The following CDH18 variants were observed in gnomAD, a reference collection of about 807,000 sequenced individuals.
The protein encoded by CDH18 is cadherin 18, also known as cadherin-18.
A neutral mutation model predicts 67.9 loss-of-function variants in CDH18; 31 were observed. The ratio of observed to expected loss-of-function variants is 0.46; its 90% CI spans 0.34 to 0.62. The LOEUF is 0.62. CDH18 is among the 20% of genes least tolerant of loss of function. The pLI, the probability that CDH18 is intolerant of heterozygous loss-of-function variation, is 0.01. For synonymous variants in CDH18, 362 were observed against 347.2 expected (o/e 1.04, Z -0.48); for missense variants, 890 against 975.5 (o/e 0.91, Z 1.17).
intron 2 of CDH18, among the ~76,000 whole-genome samples, chr5:20,057,537 G>A (rs1198977785): frequency 6.6e-6 from 1 of 152,038 alleles, no homozygotes; most frequent in Admixed American, 6.6e-5. Flanking sequence ...CATGCACTGG[G>A]GTTACAAAAC....
At chr5:20,258,189 A>G (rs1185933764) in intron 1 of CDH18, among the ~76,000 whole-genome samples, 1 of 152,100 alleles carries the variant, frequency 6.6e-6, no homozygotes, top group Non-Finnish European at 1.5e-5. Flanking sequence ...TTGCATTTTT[A>G]TAGAACCAGG....
rs754748614 is a variant in CDH18 at position 19,559,915 on chromosome 5, C to CAA, written c.1253+11662_1253+11663dup. Among the ~76,000 whole-genome samples the CAA allele has an allele frequency of 4.6e-4, 61 of 131,952 alleles. 1 individual carries two copies. Among genetic ancestry groups the CAA allele is most frequent in the African/African-American group, 1.5e-3 (49 of 33,610 alleles). The allele number at this position is 131,952 out of a possible 152,430, so 86.6% of individuals were successfully genotyped here. A position where few individuals can be genotyped will look rare whatever the true frequency, so the allele number is the denominator to read the frequency against. On this transcript the variant is annotated intron_variant, in intron 8 of 12. Transcript: ENST00000382275. Reference sequence around the variant, plus strand: ...GAACTCAACCCCTTTATAATAGTTGCAAAAACAAACAAAAAAAAAACTCAG... The same window carrying CAA: ...GAACTCAACCCCTTTATAATAGTTGCAAAAAAACAAACAAAAAAAAAACTCAG...
At chr5:20,086,726 G>C (rs1744985967) in intron 2 of CDH18, among the ~76,000 whole-genome samples, 1 of 152,176 alleles carries the variant, frequency 6.6e-6, no homozygotes, top group African/African-American at 2.4e-5. Flanking sequence ...TTACTGAATA[G>C]TTTAAGCCCA....
chr5:19,999,289 C>T (rs1388360883), intron 2 of CDH18, among the ~76,000 whole-genome samples: 4 of 152,026 alleles, frequency 2.6e-5, no homozygotes, highest in Non-Finnish European at 4.4e-5. Flanking sequence ...ATAACTCCTC[C>T]ACAATTGCCC....
chr5:20,028,266 A>G (rs578040109), intron 2 of CDH18, among the ~76,000 whole-genome samples: 1 of 152,244 alleles, frequency 6.6e-6, no homozygotes, highest in African/African-American at 2.4e-5. Flanking sequence ...TCTTTCTCCT[A>G]TATGAAAACA....
At chr5:19,612,167 A>G (rs922248809) in intron 6 of CDH18, among the ~76,000 whole-genome samples, 2 of 152,186 alleles carry the variant, frequency 1.3e-5, no homozygotes, top group Non-Finnish European at 2.9e-5. Flanking sequence ...GCAAGATGCC[A>G]TTTTTTAGTA....
In CDH18 at chr5:20,194,658, A is replaced by ATT. The variant is rs536205549; in HGVS notation, c.-518+60784_-518+60785dup. ...TATAACATTCTGAAACTTTGAAGTAATTTTTTTTTTTAAAAAGAATGGTTT... is the reference window on the plus strand; with the variant it reads ...TATAACATTCTGAAACTTTGAAGTAATTTTTTTTTTTTTAAAAAGAATGGTTT... On this transcript the variant is annotated intron_variant, in intron 2 of 14. Transcript: ENST00000507958. Among the ~76,000 whole-genome samples the ATT allele has an allele frequency of 5.0e-3, 529 of 105,000 alleles. 2 individuals are homozygous for ATT. Among genetic ancestry groups the ATT allele is most frequent in the African/African-American group, 0.018 (512 of 28,846 alleles). 68.9% of individuals were successfully genotyped at this position (105,000 alleles called of 152,430 possible).
intron 3 of CDH18, among the ~76,000 whole-genome samples, chr5:19,830,794 A>G (rs911374143): frequency 6.6e-6 from 1 of 152,172 alleles, no homozygotes; most frequent in Non-Finnish European, 1.5e-5. Flanking sequence ...CTAAATGCCC[A>G]TTAAGAGTAT....
chr5:19,491,070 A>G (rs1741391608), intron 11 of CDH18, among the ~76,000 whole-genome samples: 1 of 152,170 alleles, frequency 6.6e-6, no homozygotes, highest in South Asian at 2.1e-4. Context: ...TCACTAGTCA[A>G]GCTTGAGTGT....
chr5:19,744,722 G>A (rs1330558331), intron 4 of CDH18, among the ~76,000 whole-genome samples: 1 of 152,052 alleles, frequency 6.6e-6, no homozygotes, highest in African/African-American at 2.4e-5. Context: ...TAGATTTGGG[G>A]CTTCAGTGTT....
Position 20,287,024 on chromosome 5 carries a change from A to G in CDH18, c.-579-31519T>C, listed in dbSNP as rs138264746. On this transcript the variant is annotated intron_variant, in intron 1 of 14. Transcript: ENST00000507958. ...ATATTCCTTTCAAACTTAAATTATC[A>G]AAATCACATCCCAATACCTCACTGC... Among the ~76,000 whole-genome samples the G allele has an allele frequency of 3.9e-3, 598 of 151,918 alleles. 4 individuals are homozygous for G. The highest frequency in any genetic ancestry group is 0.01 in the Middle Eastern group (3 of 294).
intron 1 of CDH18, among the ~76,000 whole-genome samples, chr5:20,288,501 G>A (rs1341634352): frequency 1.3e-5 from 2 of 151,404 alleles, no homozygotes; most frequent in Admixed American, 6.6e-5. Context: ...ATCATCAGAT[G>A]TTTTATGATT....
chr5:20,113,104 C>A (rs974291409), intron 2 of CDH18, among the ~76,000 whole-genome samples: 10 of 152,106 alleles, frequency 6.6e-5, no homozygotes, highest in African/African-American at 2.4e-4. Context: ...TACTAATAGG[C>A]AAGTGATATT....
At chr5:19,891,403 T>C (rs1307641621) in intron 2 of CDH18, among the ~76,000 whole-genome samples, 1 of 152,154 alleles carries the variant, frequency 6.6e-6, no homozygotes, top group African/African-American at 2.4e-5. Context: ...TTACAAAAAA[T>C]ATTTTGTGGA....
At chr5:19,944,596 T>C (rs1795123094) in intron 2 of CDH18, among the ~76,000 whole-genome samples, 1 of 152,166 alleles carries the variant, frequency 6.6e-6, no homozygotes. Flanking sequence ...CCTCTGCCTA[T>C]TGCACTCAAT....
rs548316487 is a variant in CDH18 at position 19,899,269 on chromosome 5, G to A, written c.-256-60027C>T. 1.1e-4 allele frequency among the ~76,000 whole-genome samples: 17 copies of A among 151,956 alleles called. No homozygotes were observed. The South Asian group carries it at 3.3e-3, about 30-fold the overall frequency. On this transcript the variant is annotated intron_variant, in intron 2 of 12. Coordinates refer to ENST00000382275, the MANE Select transcript of CDH18 (RefSeq NM_004934.5). Reference sequence around the variant, plus strand: ...AGAAAAATTAGCCAGGCATAGTGGCGGGTGCCTGTAGTCCCAGCTACTCGG... The same window carrying A: ...AGAAAAATTAGCCAGGCATAGTGGCAGGTGCCTGTAGTCCCAGCTACTCGG...
chr5:19,793,774 G>T (rs1031408886), intron 3 of CDH18, among the ~76,000 whole-genome samples: 1 of 152,044 alleles, frequency 6.6e-6, no homozygotes, highest in Non-Finnish European at 1.5e-5. Context: ...GAGGATCTGA[G>T]AATAAGGGGT....
chr5:20,549,287 T>C (rs572813241), intron 1 of CDH18, among the ~76,000 whole-genome samples: 1 of 152,294 alleles, frequency 6.6e-6, no homozygotes, highest in South Asian at 2.1e-4. Flanking sequence ...TAGTTTTAAA[T>C]TTTATTCTTT....
chr5:20,563,927 A>G (rs1316624649), intron 1 of CDH18, among the ~76,000 whole-genome samples: 2 of 152,110 alleles, frequency 1.3e-5, no homozygotes, highest in Non-Finnish European at 2.9e-5. Context: ...TGTGTGATAT[A>G]TTTGCCCCAG....
Sources: gnomAD v4.1 joint callset for allele counts (sites outside exome capture counted in the v4.1 genomes callset) on GRCh38, gnomAD v4.1.1 for gene constraint, MANE v1.5 for transcripts, NCBI Gene and HGNC (gene_info 2026-07-23, HGNC 2026-07-21) for gene names.